The following HDAC5 variants were observed in gnomAD, a reference collection of about 807,000 sequenced individuals.
HDAC5 encodes the protein antigen NY-CO-9.
In HDAC5, 25 loss-of-function variants were observed where a neutral mutation model predicts 133.3. That is an observed-to-expected ratio of 0.19 (90% CI 0.14 to 0.26). HDAC5 has a LOEUF of 0.26. HDAC5 is among the 10% of genes least tolerant of loss of function. HDAC5 has a pLI of 1.00. For synonymous variants in HDAC5, 589 were observed against 610.8 expected (o/e 0.96, Z 0.53); for missense variants, 1,041 against 1,460.5 (o/e 0.71, Z 4.68).
chr17:44,121,441 C>A (rs890387298), intron 1 of HDAC5, among the ~76,000 whole-genome samples: 8 of 140,146 alleles, frequency 5.7e-5, no homozygotes, highest in African/African-American at 1.0e-4. Flanking sequence ...CCCTTCCCCC[C>A]CCTACTGCCA....
chr17:44,087,946 C>T (rs537527060), intron 12 of HDAC5, among the ~76,000 whole-genome samples: 2 of 152,200 alleles, frequency 1.3e-5, no homozygotes, highest in East Asian at 1.9e-4. Context: ...CAAATTCAAG[C>T]GATTCTCCTG....
At chr17:44,083,278 A>C (rs971420836) in intron 18 of HDAC5, among the ~76,000 whole-genome samples, 2 of 152,126 alleles carry the variant, frequency 1.3e-5, no homozygotes, top group Non-Finnish European at 1.5e-5. Flanking sequence ...GCCTCAACGG[A>C]CCATTTTGAA....
At chr17:44,118,081 G>A (rs111917143) in intron 1 of HDAC5, among the ~76,000 whole-genome samples, 1,630 of 152,310 alleles carry the variant, frequency 0.011, 40 homozygotes, top group African/African-American at 0.037. Flanking sequence ...GGGAGATGCA[G>A]GGCTGATCTA....
At position 44,080,278 on chromosome 17, in the gene HDAC5, C is replaced by T. The variant is rs1040506789; in HGVS notation, c.2826-53G>A. 2.6e-6 allele frequency: 4 copies of T among 1,566,984 alleles called. No individual in the cohort carries two copies. In the African/African-American group the frequency reaches 4.1e-5, roughly 16 times the overall value. ...CGGCAGATGACCAGGCCAGGCCTCG[C>T]CCCACTGTTATCCTCCCAGAGACAA... is the stretch of plus-strand genomic sequence containing the variant. On this transcript the variant is annotated intron_variant, in intron 22 of 26. Coordinates refer to ENST00000682912, the MANE Select transcript of HDAC5 (RefSeq NM_005474.5).
At chr17:44,095,079 G>C (rs1240609392) in intron 3 of HDAC5, among the ~76,000 whole-genome samples, 1 of 152,172 alleles carries the variant, frequency 6.6e-6, no homozygotes, top group Non-Finnish European at 1.5e-5. Flanking sequence ...ATAGGCGTGA[G>C]CCACTGCCCA....
chr17:44,081,711 TG>T (rs1312551387), intron 20 of HDAC5: 1 of 151,366 alleles, frequency 6.6e-6, no homozygotes, highest in Non-Finnish European at 1.5e-5. Flanking sequence ...CCCCAATAGG[TG>T]GGATTACAGG....
At chr17:44,116,512 G>A (rs892902232) in intron 2 of HDAC5, among the ~76,000 whole-genome samples, 2 of 152,138 alleles carry the variant, frequency 1.3e-5, no homozygotes, top group African/African-American at 4.8e-5. Flanking sequence ...CTGCAAATGG[G>A]TATTCATCCT....
intron 13 of HDAC5, 47 bp from the exon 14 acceptor site, chr17:44,086,784 A>G (rs772734443): frequency 4.8e-6 from 6 of 1,259,206 alleles, no homozygotes; most frequent in East Asian, 2.9e-5. Context: ...CAGCCAGGAC[A>G]GGGGTGAGGG....
intron 3 of HDAC5, among the ~76,000 whole-genome samples, chr17:44,096,910 C>T (rs2051308444): frequency 6.6e-6 from 1 of 152,048 alleles, no homozygotes; most frequent in Non-Finnish European, 1.5e-5. Flanking sequence ...TTAGTAGAAA[C>T]GGGGTTTCAC....
In HDAC5 at chr17:44,080,536, C is replaced by G. The variant is rs544385724; in HGVS notation, c.2728-38G>C. ...TTGGGGAGAGGGCTATTCTCACCACCTGGGAGTCCCAAACATTGCCCCTGC... is the reference window on the plus strand; with the variant it reads ...TTGGGGAGAGGGCTATTCTCACCACGTGGGAGTCCCAAACATTGCCCCTGC... On this transcript the variant is annotated intron_variant, in intron 21 of 26. Coordinates refer to ENST00000682912, the MANE Select transcript of HDAC5 (RefSeq NM_005474.5). 4.6e-4 allele frequency: 739 copies of G among 1,598,466 alleles called. 11 individuals are homozygous for G. In the South Asian group the frequency reaches 7.6e-3, roughly 16 times the overall value.
At chr17:44,112,512 C>T (rs1466996523) in intron 2 of HDAC5, among the ~76,000 whole-genome samples, 2 of 152,120 alleles carry the variant, frequency 1.3e-5, no homozygotes, top group Non-Finnish European at 2.9e-5. Flanking sequence ...TTGGAGCCCC[C>T]TCCTTGACCC....
At chr17:44,080,567 C>T in intron 21 of HDAC5, 69 bp from the exon 22 acceptor site, 1 of 1,536,392 alleles carries the variant, frequency 6.5e-7, no homozygotes, top group Non-Finnish European at 9.0e-7. Flanking sequence ...CCTGCCCTCA[C>T]CCCTGCCTCC....
At chr17:44,119,555 C>T (rs1318288140) in intron 1 of HDAC5, among the ~76,000 whole-genome samples, 1 of 152,204 alleles carries the variant, frequency 6.6e-6, no homozygotes, top group Non-Finnish European at 1.5e-5. Flanking sequence ...GGGCTCGGGA[C>T]TCATCTACGT....
intron 17 of HDAC5, 31 bp downstream of exon 17, chr17:44,083,774 G>A (rs755678360): frequency 3.4e-5 from 24 of 706,224 alleles, no homozygotes; most frequent in Admixed American, 6.4e-5. Context: ...AGAGCCGCCC[G>A]CCCACCCCCA....
Position 44,118,991 on chromosome 17 carries a change from C to T in HDAC5, c.-189-1287G>A, listed in dbSNP as rs117898657. Among the ~76,000 whole-genome samples, 565 of 152,340 alleles carry T rather than the reference C, an allele frequency of 3.7e-3. 1 individual carries two copies. The highest frequency in any genetic ancestry group is 6.2e-3 in the Non-Finnish European group (425 of 68,032). On this transcript the variant is annotated intron_variant, in intron 1 of 26. Transcript: ENST00000682912. ...GAACATGAACACACATGCGCATGCACGCACACATGCACACACGAGACCCTG... is the reference window on the plus strand; with the variant it reads ...GAACATGAACACACATGCGCATGCATGCACACATGCACACACGAGACCCTG...
intron 14 of HDAC5, 88 bp from the exon 15 acceptor site, chr17:44,085,243 G>A: frequency 7.4e-7 from 1 of 1,351,242 alleles, no homozygotes; most frequent in Non-Finnish European, 9.8e-7. Context: ...GGCTCATGGA[G>A]CTGTCTCCAA....
chr17:44,102,225 G>A (rs2051657579), intron 3 of HDAC5, among the ~76,000 whole-genome samples: 1 of 152,230 alleles, frequency 6.6e-6, no homozygotes, highest in Non-Finnish European at 1.5e-5. Context: ...CTGGCATGAG[G>A]ACGTATCTAC....
intron 15 of HDAC5, among the ~76,000 whole-genome samples, 165 bp from the exon 16 acceptor site, chr17:44,084,840 C>T (rs556952304): frequency 1.3e-5 from 2 of 152,186 alleles, no homozygotes; most frequent in Non-Finnish European, 2.9e-5. Context: ...GGATCCCCCC[C>T]ACTCAGCTGG....
In HDAC5 at chr17:44,087,550, T is replaced by C. The variant is rs1260091488; in HGVS notation, c.1746A>G (p.Thr582=). 5.0e-6 allele frequency: 8 copies of C among 1,613,992 alleles called. No homozygotes were observed. The Admixed American group carries it at 5.0e-5, about 10-fold the overall frequency. The change falls in exon 13 of 27, where the codon ACA becomes ACG. Residue 582 remains threonine (T), a synonymous_variant. Transcript: ENST00000682912. ...PREGSTESES[T]QEDLEEEDEE... ...CGTCCTCCTCCTCCAGGTCTTCCTGTGTGCTCTCACTCTCTGTGGAGCCCT... is the reference window on the plus strand; with the variant it reads ...CGTCCTCCTCCTCCAGGTCTTCCTGCGTGCTCTCACTCTCTGTGGAGCCCT...
Sources: gnomAD v4.1 joint callset for allele counts (sites outside exome capture counted in the v4.1 genomes callset) on GRCh38, gnomAD v4.1.1 for gene constraint, MANE v1.5 for transcripts, NCBI Gene and HGNC (gene_info 2026-07-23, HGNC 2026-07-21) for gene names.